Variants in CACNB4 observed in about 807,000 individuals in gnomAD.
CACNB4 encodes calcium voltage-gated channel auxiliary subunit beta 4.
CACNB4 carries 32 observed loss-of-function variants against 71.2 expected under a neutral mutation model. The observed-to-expected ratio is 0.45, with a 90% CI of 0.34 to 0.60. The LOEUF is 0.60. Among genes scored for constraint, CACNB4 ranks in the 20% least tolerant of loss-of-function variants. The probability of loss-of-function intolerance (pLI) is 0.01; values close to 1 mark genes in which losing one functional copy is unlikely to be tolerated. For missense variants in CACNB4, 464 were observed against 647.9 expected (o/e 0.72, Z 3.08); for synonymous variants, 231 against 236.9 (o/e 0.97, Z 0.23).
rs776045700 is a variant in CACNB4 at position 151,835,010 on chromosome 2, T to C, written c.*4109A>G. 1 of 151,938 alleles carries C rather than the reference T, an allele frequency of 6.6e-6. No homozygotes were observed. The highest frequency in any genetic ancestry group is 1.5e-5 in the Non-Finnish European group (1 of 67,818). The allele number at this position is 151,938 out of a possible 1,614,324, so 9.4% of individuals were successfully genotyped here. A position where few individuals can be genotyped will look rare whatever the true frequency, so the allele number is the denominator to read the frequency against. On this transcript the variant is annotated 3_prime_UTR_variant, in exon 14 of 14. Coordinates refer to ENST00000539935, the MANE Select transcript of CACNB4 (RefSeq NM_000726.5). ...ACATTGATATGAAGTTTATTCCAAT[T>C]ACATGGGAGTCCAAGATTATGCATA...
intron 2 of CACNB4, among the ~76,000 whole-genome samples, chr2:152,015,839 A>C (rs757327317): frequency 2.0e-5 from 3 of 152,208 alleles, no homozygotes; most frequent in Non-Finnish European, 4.4e-5. Context: ...CCACAGCCCA[A>C]CATAGCCTTT....
intron 2 of CACNB4, among the ~76,000 whole-genome samples, chr2:152,030,882 G>A (rs1490425806): frequency 1.3e-5 from 2 of 152,132 alleles, no homozygotes; most frequent in African/African-American, 4.8e-5. Context: ...ACTGGATTAA[G>A]AAAATGTGGC....
At chr2:151,866,891 C>T (rs1355691997) in intron 9 of CACNB4, 5 of 150,460 alleles carry the variant, frequency 3.3e-5, no homozygotes, top group African/African-American at 1.2e-4. Context: ...TTGAAATTTG[C>T]ATTCAATTTC....
At chr2:151,920,941 A>G (rs1236579239) in intron 2 of CACNB4, among the ~76,000 whole-genome samples, 2 of 152,036 alleles carry the variant, frequency 1.3e-5, no homozygotes, top group Admixed American at 1.3e-4. Flanking sequence ...GATCAAGACC[A>G]TCCTGGCTAA....
intron 12 of CACNB4, 196 bp downstream of exon 12, chr2:151,853,252 C>G: frequency 2.0e-6 from 1 of 499,304 alleles, no homozygotes; most frequent in South Asian, 2.8e-5. Flanking sequence ...TTTCTTATTA[C>G]AAGGCAAACA....
At chr2:152,023,791 C>T (rs1174342430) in intron 2 of CACNB4, among the ~76,000 whole-genome samples, 2 of 152,140 alleles carry the variant, frequency 1.3e-5, no homozygotes, top group Non-Finnish European at 2.9e-5. Flanking sequence ...TTTCCTCCAC[C>T]GAAGCAATGT....
chr2:152,035,647 C>CTATA (rs1453743233), intron 2 of CACNB4, among the ~76,000 whole-genome samples: 1 of 128,906 alleles, frequency 7.8e-6, no homozygotes, highest in African/African-American at 3.4e-5. Context: ...CTCTCTCTCT[C>CTATA]TCTCTATATA....
At chr2:151,895,114 A>C (rs1318361725) in intron 2 of CACNB4, among the ~76,000 whole-genome samples, 18 of 148,710 alleles carry the variant, frequency 1.2e-4, no homozygotes, top group East Asian at 1.9e-4. Flanking sequence ...ACACACACAC[A>C]CACACACACA....
At chr2:151,931,443 T>C (rs554252895) in intron 2 of CACNB4, among the ~76,000 whole-genome samples, 20 of 152,344 alleles carry the variant, frequency 1.3e-4, no homozygotes, top group African/African-American at 4.6e-4. Flanking sequence ...TCCAGTCTAG[T>C]TGGCAACAGC....
rs774847519 is a variant in CACNB4, at chr2:151,842,032, T to C, written c.1173A>G (p.Leu391=). 3 of 1,613,918 alleles carry C rather than the reference T, an allele frequency of 1.9e-6. No homozygotes were observed. ...GCCAGTACGCCTCCAGGTACTCCCC[T>C]AGATGTTCACATGCATCCTCAAGCT... is the stretch of plus-strand genomic sequence containing the variant. The part of the protein sequence containing the change: ...ENQLEDACEH[L]GEYLEAYWRA... The change falls in exon 13 of 14, where the codon CTA becomes CTG. Residue 391 remains leucine (L), a synonymous_variant. Transcript: ENST00000539935.
chr2:151,887,974 G>A (rs1251772154), intron 2 of CACNB4, among the ~76,000 whole-genome samples: 1 of 151,562 alleles, frequency 6.6e-6, no homozygotes, highest in Non-Finnish European at 1.5e-5. Flanking sequence ...CTTTATTGAG[G>A]TATAACTTAC....
intron 12 of CACNB4, among the ~76,000 whole-genome samples, chr2:151,845,411 AT>A (rs2099837300): frequency 6.6e-6 from 1 of 152,200 alleles, no homozygotes; most frequent in Non-Finnish European, 1.5e-5. Context: ...ATCTGTGACA[AT>A]TTTTCTCTTT....
chr2:151,939,738 A>G (rs1012031140), intron 2 of CACNB4, among the ~76,000 whole-genome samples: 1 of 152,176 alleles, frequency 6.6e-6, no homozygotes. Context: ...GCAGTGACCC[A>G]AGGCACTTAT....
intron 2 of CACNB4, among the ~76,000 whole-genome samples, chr2:152,030,397 C>T (rs1432282918): frequency 6.6e-6 from 1 of 152,204 alleles, no homozygotes; most frequent in Non-Finnish European, 1.5e-5. Flanking sequence ...TTAATTTTTA[C>T]AGATATGATC....
intron 2 of CACNB4, among the ~76,000 whole-genome samples, chr2:152,013,906 C>T (rs529805107): frequency 6.6e-6 from 1 of 152,360 alleles, no homozygotes; most frequent in African/African-American, 2.4e-5. Context: ...AGAGCCAACA[C>T]GGCTCTTTCA....
At chr2:151,949,199 CAA>C (rs35693217) in intron 2 of CACNB4, among the ~76,000 whole-genome samples, 11 of 143,640 alleles carry the variant, frequency 7.7e-5, no homozygotes, top group African/African-American at 1.5e-4. Flanking sequence ...AAATAGGTAA[CAA>C]AAAAAAAAAA....
intron 2 of CACNB4, among the ~76,000 whole-genome samples, chr2:151,931,801 T>A (rs1053013764): frequency 6.6e-6 from 1 of 152,178 alleles, no homozygotes; most frequent in Non-Finnish European, 1.5e-5. Context: ...CTTCTCAACA[T>A]TTCATACAGC....
intron 9 of CACNB4, among the ~76,000 whole-genome samples, chr2:151,863,664 CT>C (rs554735370): frequency 8.6e-5 from 13 of 151,700 alleles, no homozygotes; most frequent in South Asian, 2.1e-4. Flanking sequence ...CAGATTCACA[CT>C]TTTTTTTTCT....
intron 2 of CACNB4, among the ~76,000 whole-genome samples, chr2:152,022,886 G>A (rs1180444124): frequency 6.6e-6 from 1 of 152,186 alleles, no homozygotes; most frequent in Non-Finnish European, 1.5e-5. Flanking sequence ...ATTTAGGGTT[G>A]TTTTGAGGTT....
Sources: gnomAD v4.1 joint callset for allele counts (sites outside exome capture counted in the v4.1 genomes callset) on GRCh38, gnomAD v4.1.1 for gene constraint, MANE v1.5 for transcripts, NCBI Gene and HGNC (gene_info 2026-07-23, HGNC 2026-07-21) for gene names.